NF2: variants seen among roughly 807,000 people sequenced by gnomAD.
NF2 encodes NF2, moesin-ezrin-radixin like (MERLIN) tumor suppressor.
Under a neutral mutation model 83.7 loss-of-function variants are expected in NF2, and 8 were observed. The observed-to-expected ratio is 0.10, with a 90% CI of 0.06 to 0.17. The LOEUF (loss-of-function observed/expected upper bound fraction) is 0.17. Among genes scored for constraint, NF2 ranks in the 10% least tolerant of loss-of-function variants. The pLI, the probability that NF2 is intolerant of heterozygous loss-of-function variation, is 1.00. For missense variants in NF2, 533 were observed against 744.4 expected (o/e 0.72, Z 3.31); for synonymous variants, 266 against 269.6 (o/e 0.99, Z 0.13).
chr22:29,644,041 G>T (rs934043227), intron 4 of NF2, among the ~76,000 whole-genome samples: 1 of 150,590 alleles, frequency 6.6e-6, no homozygotes, highest in African/African-American at 2.4e-5. Context: ...CCTCCCTCCC[G>T]GACGGGGTGG....
chr22:29,635,460 C>G (rs2065624010), intron 1 of NF2, among the ~76,000 whole-genome samples: 1 of 152,008 alleles, frequency 6.6e-6, no homozygotes, highest in Admixed American at 6.6e-5. Context: ...TCCCGAGTAG[C>G]TGGGACTACA....
chr22:29,648,837 G>T (rs1221806115), intron 4 of NF2, among the ~76,000 whole-genome samples: 1 of 152,088 alleles, frequency 6.6e-6, no homozygotes, highest in Non-Finnish European at 1.5e-5. Context: ...CTCTATACCC[G>T]CCTCAGCCTC....
At chr22:29,659,399 C>CT (rs2066410595) in intron 7 of NF2, among the ~76,000 whole-genome samples, 1 of 152,166 alleles carries the variant, frequency 6.6e-6, no homozygotes, top group Admixed American at 6.5e-5. Flanking sequence ...CCCAGGCCTG[C>CT]TAGGCTCAAG....
intron 14 of NF2, 66 bp from the exon 15 acceptor site, chr22:29,681,373 C>T: frequency 6.3e-7 from 1 of 1,599,934 alleles, no homozygotes; most frequent in Non-Finnish European, 8.5e-7. Context: ...TTGTGGGCCG[C>T]AGAGCACCTG....
intron 1 of NF2, among the ~76,000 whole-genome samples, chr22:29,609,727 GTT>G (rs767739676): frequency 6.6e-6 from 1 of 152,170 alleles, no homozygotes; most frequent in Non-Finnish European, 1.5e-5. Context: ...GTGAGATACT[GTT>G]TTTATTGAGA....
rs35006066 is a variant in NF2 at position 29,672,779 on chromosome 22, C to CT, written c.1123-478dup. Among the ~76,000 whole-genome samples the CT allele has an allele frequency of 1.3e-3, 191 of 146,404 alleles. 1 individual carries two copies. Among genetic ancestry groups the CT allele is most frequent in the Middle Eastern group, 7.1e-3 (2 of 282 alleles). On this transcript the variant is annotated intron_variant, in intron 11 of 15. Coordinates refer to ENST00000338641, the MANE Select transcript of NF2 (RefSeq NM_000268.4). ...TACAGGTGCGCGCCAACACATCCAG[C>CT]TTTTTTTTTTTTGTATTTTTAGTAG...
chr22:29,671,673 G>C (rs140345670), intron 10 of NF2, among the ~76,000 whole-genome samples, 153 bp from the exon 11 acceptor site: 8 of 152,272 alleles, frequency 5.3e-5, no homozygotes, highest in African/African-American at 4.8e-5. Flanking sequence ...AGGACGGGGT[G>C]GGGGGCAATA....
chr22:29,643,380 T>C (rs1183537676), intron 4 of NF2, among the ~76,000 whole-genome samples: 2 of 151,424 alleles, frequency 1.3e-5, no homozygotes, highest in Non-Finnish European at 2.9e-5. Flanking sequence ...GGAGGGAAGG[T>C]CAGCAGATAA....
At chr22:29,667,678 A>C (rs1415239163) in intron 9 of NF2, among the ~76,000 whole-genome samples, 2 of 152,086 alleles carry the variant, frequency 1.3e-5, no homozygotes, top group South Asian at 4.1e-4. Context: ...GAGCTACTGC[A>C]CCTAGCCTGT....
At chr22:29,662,745 A>G (rs956773873) in intron 8 of NF2, among the ~76,000 whole-genome samples, 1 of 152,236 alleles carries the variant, frequency 6.6e-6, no homozygotes, top group Non-Finnish European at 1.5e-5. Flanking sequence ...GTCTGAGTGA[A>G]GTAGCAGAGA....
intron 1 of NF2, among the ~76,000 whole-genome samples, chr22:29,631,184 T>C (rs2065501433): frequency 6.6e-6 from 1 of 152,212 alleles, no homozygotes; most frequent in East Asian, 1.9e-4. Flanking sequence ...GTTTGTCAGA[T>C]ACTAGAAAAG....
intron 1 of NF2, among the ~76,000 whole-genome samples, chr22:29,605,292 G>A (rs1022829714): frequency 2.0e-5 from 3 of 152,006 alleles, no homozygotes; most frequent in Non-Finnish European, 4.4e-5. Context: ...AGCCTTCCAG[G>A]TAGCTGGGAT....
chr22:29,606,432 G>A (rs2064799207), intron 1 of NF2, among the ~76,000 whole-genome samples: 1 of 152,226 alleles, frequency 6.6e-6, no homozygotes, highest in Non-Finnish European at 1.5e-5. Context: ...CCTAGAGTGA[G>A]GGTATTTCTC....
intron 1 of NF2, among the ~76,000 whole-genome samples, chr22:29,616,148 G>T (rs558163375): frequency 1.1e-3 from 163 of 152,308 alleles, no homozygotes; most frequent in African/African-American, 3.8e-3. Flanking sequence ...ATCAGTGGTT[G>T]TTCAGGGCTG....
In NF2 at chr22:29,668,482, G is replaced by C. The variant is rs764254851; in HGVS notation, c.999+36G>C. The C allele has an allele frequency of 2.6e-6, 4 of 1,529,250 alleles. No homozygotes were observed. In the African/African-American group the frequency reaches 4.1e-5, roughly 16 times the overall value. The allele number at this position is 1,529,250 out of a possible 1,614,324, so 94.7% of individuals were successfully genotyped here. A position where few individuals can be genotyped will look rare whatever the true frequency, so the allele number is the denominator to read the frequency against. ...CCTTGTTTTAACTGATGATGTCACT[G>C]TGTGGTCAGTCCTGGCCTGGGAGGC... is the stretch of plus-strand genomic sequence containing the variant. On this transcript the variant is annotated intron_variant, in intron 10 of 15. Transcript: ENST00000338641.
intron 10 of NF2, among the ~76,000 whole-genome samples, chr22:29,670,741 C>T (rs1031199298): frequency 4.6e-5 from 7 of 152,074 alleles, no homozygotes; most frequent in African/African-American, 1.7e-4. Flanking sequence ...TGTGCTTGTT[C>T]CCCTTATTAA....
intron 15 of NF2, among the ~76,000 whole-genome samples, chr22:29,690,899 G>A (rs1166504592): frequency 6.6e-6 from 1 of 152,178 alleles, no homozygotes; most frequent in African/African-American, 2.4e-5. Flanking sequence ...GCCTGGCTGC[G>A]GGACTCCCAT....
At chr22:29,644,046 GGGTGGCTGCCGGGC>G (rs1484408268) in intron 4 of NF2, among the ~76,000 whole-genome samples, 1 of 151,872 alleles carries the variant, frequency 6.6e-6, no homozygotes, top group Non-Finnish European at 1.5e-5. Context: ...CTCCCGGACG[GGGTGGCTGCCGGGC>G]GGAGACGCTC....
At chr22:29,623,838 C>T (rs1003834574) in intron 1 of NF2, among the ~76,000 whole-genome samples, 16 of 152,174 alleles carry the variant, frequency 1.1e-4, no homozygotes, top group African/African-American at 3.6e-4. Context: ...TCACTTATTT[C>T]CCCCAGGCCT....
Sources: allele counts gnomAD v4.1 joint callset (sites outside exome capture counted in the v4.1 genomes callset), GRCh38; gene constraint gnomAD v4.1.1; transcripts MANE v1.5; gene names NCBI Gene and HGNC (gene_info 2026-07-23, HGNC 2026-07-21).